CDHR2: variants seen among roughly 807,000 people sequenced by gnomAD.
CDHR2 encodes the protein cadherin related family member 2, also known as cadherin-related family member 2.
CDHR2 carries 104 observed loss-of-function variants against 138.6 expected under a neutral mutation model. The observed-to-expected ratio is 0.75, with a 90% CI of 0.64 to 0.88. The LOEUF is 0.88. Ranked by LOEUF, CDHR2 falls within the 40% of genes least tolerant of loss-of-function variation. CDHR2 has a pLI of 0.00. For synonymous variants in CDHR2, 755 were observed against 742.8 expected (o/e 1.02, Z -0.27); for missense variants, 1,624 against 1,727.6 (o/e 0.94, Z 1.06).
intron 7 of CDHR2, 70 bp from the exon 8 acceptor site, chr5:176,575,014 G>C (rs201737187): frequency 1.3e-6 from 2 of 1,586,236 alleles, no homozygotes; most frequent in Non-Finnish European, 1.7e-6. Flanking sequence ...CCTTCCCTGC[G>C]TTGCTCAGAG....
rs200893261 is a variant in CDHR2 at position 176,591,286 on chromosome 5, C to T, written c.3616C>T (p.Pro1206Ser). The part of the protein sequence containing the change: ...KTAAGVMPSA[P>S]AIPGTNMYNT... ...AGCAGCAGGGGTGATGCCCTCAGCC[C>T]CTGCCATCCCAGGGACTAACATGTA... The change falls in exon 29 of 32, where the codon CCT (proline) becomes TCT (serine). Residue 1206 changes from proline (P) to serine (S), a missense_variant. Physicochemically the swap from Pro to Ser is moderately conservative, Grantham distance 74. Coordinates refer to ENST00000261944, the MANE Select transcript of CDHR2 (RefSeq NM_017675.6). The T allele has an allele frequency of 4.3e-6, 7 of 1,614,042 alleles. No individual in the cohort carries two copies. In the East Asian group the frequency reaches 1.3e-4, roughly 31 times the overall value.
intron 2 of CDHR2, 44 bp downstream of exon 2, chr5:176,565,448 C>T: frequency 6.3e-7 from 1 of 1,575,186 alleles, no homozygotes; most frequent in Non-Finnish European, 8.7e-7. Flanking sequence ...AACCTAGAGA[C>T]CCTTGGCAGG....
Position 176,584,708 on chromosome 5 carries a change from T to G in CDHR2, c.2427T>G (p.Asp809Glu). The G allele has an allele frequency of 6.2e-7, 1 of 1,614,164 alleles. No homozygotes were observed. The highest frequency in any genetic ancestry group is 8.5e-7 in the Non-Finnish European group (1 of 1,180,004). The change falls in exon 19 of 32, where the codon GAT (aspartate) becomes GAG (glutamate). Residue 809 changes from aspartate (D) to glutamate (E), a missense_variant. By Grantham distance (45) the Asp-to-Glu change is conservative. Transcript: ENST00000261944. ...KDVNDNPPTL[D>E]VASLRGIRVA... The stretch of plus-strand genomic sequence containing the variant: ...TGAACGACAATCCCCCCACCCTGGA[T>G]GTAGCCTCACTCCGGGGCATCCGTG...
At chr5:176,590,173 G>T (rs1418653965) in intron 25 of CDHR2, 27 bp downstream of exon 25, 1 of 1,612,276 alleles carries the variant, frequency 6.2e-7, no homozygotes, top group South Asian at 1.1e-5. Context: ...CTGGGGGTGG[G>T]GTTGAGGGGG....
intron 1 of CDHR2, among the ~76,000 whole-genome samples, chr5:176,563,553 C>G (rs1464292859): frequency 1.3e-5 from 2 of 152,122 alleles, no homozygotes; most frequent in East Asian, 3.8e-4. Context: ...TGGCTTCACC[C>G]TGGCCTGGCA....
At chr5:176,567,777 G>A (rs11739572) in intron 3 of CDHR2, among the ~76,000 whole-genome samples, 91,277 of 152,102 alleles carry the variant, frequency 0.6, 29,606 homozygotes, top group Non-Finnish European at 0.74. Context: ...ACAGGCATGA[G>A]CCACCTCGCC....
At chr5:176,583,077 G>T (rs1187674043) in intron 17 of CDHR2, among the ~76,000 whole-genome samples, 1 of 152,216 alleles carries the variant, frequency 6.6e-6, no homozygotes, top group Admixed American at 6.5e-5. Context: ...TGAAGAAAAC[G>T]AAGCAGAATG....
chr5:176,571,069 GC>G, intron 5 of CDHR2, 143 bp from the exon 6 acceptor site: 1 of 53,922 alleles, frequency 1.9e-5, no homozygotes, highest in Non-Finnish European at 3.9e-5. Context: ...AAAAAAAAAA[GC>G]CCCCAAAAAC....
At chr5:176,574,496 G>T (rs983402156) in intron 7 of CDHR2, among the ~76,000 whole-genome samples, 1 of 152,208 alleles carries the variant, frequency 6.6e-6, no homozygotes, top group Non-Finnish European at 1.5e-5. Flanking sequence ...CATTTACCGA[G>T]CACCAACCAC....
chr5:176,574,311 G>A, intron 7 of CDHR2, 139 bp downstream of exon 7: 2 of 656,800 alleles, frequency 3.0e-6, no homozygotes, highest in South Asian at 1.9e-5. Flanking sequence ...CCGTCCTCTG[G>A]CCACCAGCCC....
intron 1 of CDHR2, among the ~76,000 whole-genome samples, 198 bp from the exon 2 acceptor site, chr5:176,565,140 C>T (rs1175437705): frequency 1.3e-5 from 2 of 152,166 alleles, no homozygotes; most frequent in East Asian, 3.9e-4. Context: ...ATCGTGGTCA[C>T]CCCTACCCCA....
At chr5:176,564,467 C>T (rs1314657532) in intron 1 of CDHR2, among the ~76,000 whole-genome samples, 2 of 152,204 alleles carry the variant, frequency 1.3e-5, no homozygotes, top group South Asian at 2.1e-4. Flanking sequence ...GGATTACAGG[C>T]GTGAGCCACC....
At chr5:176,563,341 C>A (rs1009947044) in intron 1 of CDHR2, among the ~76,000 whole-genome samples, 1 of 152,128 alleles carries the variant, frequency 6.6e-6, no homozygotes, top group African/African-American at 2.4e-5. Flanking sequence ...GAGTGAGACT[C>A]TGTCTCAAAA....
At chr5:176,582,171 C>A (rs563260863) in intron 17 of CDHR2, among the ~76,000 whole-genome samples, 7 of 152,240 alleles carry the variant, frequency 4.6e-5, no homozygotes, top group African/African-American at 1.7e-4. Context: ...TAGGCATATG[C>A]CACCATGCCT....
chr5:176,561,794 C>G (rs1327962996), intron 1 of CDHR2, among the ~76,000 whole-genome samples: 1 of 152,066 alleles, frequency 6.6e-6, no homozygotes, highest in Non-Finnish European at 1.5e-5. Context: ...CATGTGCCAC[C>G]TCGCCCGGCT....
chr5:176,557,940 G>A (rs553897718), intron 1 of CDHR2, among the ~76,000 whole-genome samples: 16 of 151,216 alleles, frequency 1.1e-4, no homozygotes, highest in African/African-American at 2.9e-4. Context: ...ACTCCAGACC[G>A]CGTGATCCAC....
rs186335942 is a variant in CDHR2 at position 176,553,768 on chromosome 5, C to T, written c.-16+4354C>T. ...CTCCCCCAACTGTCACCTCCACCAGCGCCACCTGCGTCTCCACCTTCATCA... is the reference window on the plus strand; with the variant it reads ...CTCCCCCAACTGTCACCTCCACCAGTGCCACCTGCGTCTCCACCTTCATCA... On this transcript the variant is annotated intron_variant, in intron 1 of 31. Coordinates refer to ENST00000261944, the MANE Select transcript of CDHR2 (RefSeq NM_017675.6). This position sits in a 1 kb window ranked among gnomAD's most constrained non-coding sequence, Gnocchi z 4.3. Among the ~76,000 whole-genome samples, 355 of 152,010 alleles carry T rather than the reference C, an allele frequency of 2.3e-3. 2 individuals carry two copies. Among genetic ancestry groups the T allele is most frequent in the African/African-American group, 8.2e-3 (341 of 41,478 alleles).
chr5:176,577,634 C>G lies in CDHR2; in HGVS notation c.1351-3C>G, dbSNP rs1758422658. On this transcript the variant is annotated splice_region_variant and splice_polypyrimidine_tract_variant and intron_variant, in intron 13 of 31. Coordinates refer to ENST00000261944, the MANE Select transcript of CDHR2 (RefSeq NM_017675.6). ...CAGCTGCTGCCTCCTCCCCTGCCCC[C>G]AGGTTGTGGCCACAGACTCCGTCAG... 1 of 1,614,214 alleles carries G rather than the reference C, an allele frequency of 6.2e-7. No individual in the cohort carries two copies.
Position 176,575,159 on chromosome 5 carries a change from C to T in CDHR2, c.571C>T (p.Leu191Phe). 1 of 1,614,228 alleles carries T rather than the reference C, an allele frequency of 6.2e-7. No homozygotes were observed. The highest frequency in any genetic ancestry group is 1.1e-5 in the South Asian group (1 of 91,090). ...TGGCTCCATAGTCCTCAATGGCAGC[C>T]TCAGCTACAACAACAAGAGCGCTTT... Reference protein sequence around the residue: ...ANGSIVLNGSLSYNNKSAFYQ... With the variant: ...ANGSIVLNGSFSYNNKSAFYQ... Residue 191 changes from leucine (L) to phenylalanine (F), a missense_variant, in exon 8 of 32, where the codon CTC becomes TTC. Around this residue, in one of 3 missense-constraint regions of CDHR2, gnomAD observed 1,061 missense variants for 1,136.6 expected, o/e 0.93. Transcript: ENST00000261944.
Sources: allele counts gnomAD v4.1 joint callset (sites outside exome capture counted in the v4.1 genomes callset), GRCh38; gene constraint gnomAD v4.1.1; regional missense constraint gnomAD v4.1.1; non-coding constraint Gnocchi (gnomAD v3.1); transcripts MANE v1.5; gene names NCBI Gene and HGNC (gene_info 2026-07-23, HGNC 2026-07-21).